Variants in ARFGEF2 observed in about 807,000 individuals in gnomAD.
The protein encoded by ARFGEF2 is brefeldin A-inhibited guanine nucleotide-exchange protein 2.
In ARFGEF2, 74 loss-of-function variants were observed where a neutral mutation model predicts 219.9. The ratio of observed to expected loss-of-function variants is 0.34; its 90% CI spans 0.28 to 0.41. The LOEUF is 0.41. Among genes scored for constraint, ARFGEF2 ranks in the 10% least tolerant of loss-of-function variants. The pLI, the probability that ARFGEF2 is intolerant of heterozygous loss-of-function variation, is 1.00. For missense variants in ARFGEF2, 1,743 were observed against 2,218.3 expected (o/e 0.79, Z 4.30); for synonymous variants, 733 against 799.2 (o/e 0.92, Z 1.40).
chr20:49,034,240 T>C lies in ARFGEF2; in HGVS notation c.*1041T>C, dbSNP rs1032012301. The C allele has an allele frequency of 3.3e-5, 5 of 152,280 alleles. No homozygotes were observed. The highest frequency in any genetic ancestry group is 1.2e-4 in the African/African-American group (5 of 41,454). 9.4% of individuals were successfully genotyped at this position (152,280 alleles called of 1,614,324 possible). Reference sequence around the variant, plus strand: ...GCTCCCATAAGCCTCCTCAGCCAGATGTCATGGGTGGAACTGGAGCTGTGT... The same window carrying C: ...GCTCCCATAAGCCTCCTCAGCCAGACGTCATGGGTGGAACTGGAGCTGTGT... On this transcript the variant is annotated 3_prime_UTR_variant, in exon 39 of 39. Coordinates refer to ENST00000371917, the MANE Select transcript of ARFGEF2 (RefSeq NM_006420.3).
intron 1 of ARFGEF2, among the ~76,000 whole-genome samples, chr20:48,933,991 G>A (rs1466394983): frequency 6.6e-6 from 1 of 151,944 alleles, no homozygotes; most frequent in Non-Finnish European, 1.5e-5. Context: ...ATGGTGGCAC[G>A]TGCCTGTAGT....
At chr20:48,927,010 C>T (rs932613432) in intron 1 of ARFGEF2, among the ~76,000 whole-genome samples, 1 of 152,086 alleles carries the variant, frequency 6.6e-6, no homozygotes, top group African/African-American at 2.4e-5. Flanking sequence ...GAGGTGAAAG[C>T]CAGACTGGCA....
At chr20:49,010,493 T>C in intron 27 of ARFGEF2, 89 bp downstream of exon 27, 1 of 1,482,218 alleles carries the variant, frequency 6.7e-7, no homozygotes, top group Non-Finnish European at 9.3e-7. Flanking sequence ...CTACAGGGGC[T>C]TCCCTACCTT....
At position 48,966,420 on chromosome 20, in the gene ARFGEF2, A is replaced by C. The variant is rs1050623673; in HGVS notation, c.1059+397A>C. ...GATTGCCCTTGTTAACATCTTACTT[A>C]AATCCATCTAGATTTTTCTCCATCT... On this transcript the variant is annotated intron_variant, in intron 8 of 38. Transcript: ENST00000371917. 3.9e-5 allele frequency among the ~76,000 whole-genome samples: 6 copies of C among 152,282 alleles called. No homozygotes were observed. In the East Asian group the frequency reaches 7.7e-4, roughly 20 times the overall value.
chr20:48,981,538 G>T (rs909306841), intron 14 of ARFGEF2, among the ~76,000 whole-genome samples: 1 of 152,168 alleles, frequency 6.6e-6, no homozygotes, highest in African/African-American at 2.4e-5. Flanking sequence ...GCCTTGCTAG[G>T]TTGGGGAAGT....
chr20:48,998,987 C>T (rs2091408354), intron 25 of ARFGEF2, among the ~76,000 whole-genome samples: 1 of 152,164 alleles, frequency 6.6e-6, no homozygotes, highest in Admixed American at 6.6e-5. Context: ...CCTGTAATCC[C>T]AGCACTTCGA....
At chr20:48,963,731 C>A in intron 6 of ARFGEF2, 99 bp from the exon 7 acceptor site, 1 of 1,190,168 alleles carries the variant, frequency 8.4e-7, no homozygotes, top group Non-Finnish European at 1.2e-6. Flanking sequence ...GCACCCTTTG[C>A]CTTCTGAAAT....
At chr20:48,969,034 T>C (rs2091208884) in intron 8 of ARFGEF2, 113 bp from the exon 9 acceptor site, 5 of 998,190 alleles carry the variant, frequency 5.0e-6, no homozygotes, top group Non-Finnish European at 7.8e-6. Context: ...CATCATGGCT[T>C]ACTGCAGCCT....
At chr20:48,934,335 TA>T (rs973928821) in intron 1 of ARFGEF2, among the ~76,000 whole-genome samples, 26 of 150,132 alleles carry the variant, frequency 1.7e-4, no homozygotes, top group African/African-American at 2.2e-4. Flanking sequence ...TCCCTCCGTT[TA>T]AAAAAAAAAT....
At chr20:48,996,266 T>G (rs539830606) in intron 23 of ARFGEF2, among the ~76,000 whole-genome samples, 1 of 149,610 alleles carries the variant, frequency 6.7e-6, no homozygotes, top group African/African-American at 2.5e-5. Flanking sequence ...CCATTTTGGC[T>G]AACACAGTGA....
intron 14 of ARFGEF2, among the ~76,000 whole-genome samples, chr20:48,976,811 A>G (rs148750075): frequency 3.3e-5 from 5 of 152,274 alleles, no homozygotes; most frequent in Admixed American, 6.5e-5. Flanking sequence ...CCATCTCAAC[A>G]ACAACAAAAA....
Position 48,941,893 on chromosome 20 carries a change from A to G in ARFGEF2, c.182A>G (p.Asn61Ser). 2 of 1,614,204 alleles carry G rather than the reference A, an allele frequency of 1.2e-6. No homozygotes were observed. Among genetic ancestry groups the G allele is most frequent in the Non-Finnish European group, 1.7e-6 (2 of 1,180,030 alleles). Residue 61 changes from asparagine to serine, a missense_variant, in exon 3 of 39, where the codon AAC becomes AGC. By Grantham distance (46) the Asn-to-Ser change is conservative. Transcript: ENST00000371917. ...RLGTAAPPKA[N>S]FIEADKYFLP... ...GGCACTGCTGCACCACCAAAGGCAAACTTCATTGAAGCTGACAAGTATTTT... is the reference window on the plus strand; with the variant it reads ...GGCACTGCTGCACCACCAAAGGCAAGCTTCATTGAAGCTGACAAGTATTTT...
chr20:48,991,464 A>ATTT (rs71337479), intron 21 of ARFGEF2, among the ~76,000 whole-genome samples: 1 of 134,914 alleles, frequency 7.4e-6, no homozygotes. Context: ...TATTAGTGCC[A>ATTT]TTTTTTTTTT....
intron 30 of ARFGEF2, among the ~76,000 whole-genome samples, chr20:49,014,571 T>C (rs2091519253): frequency 6.6e-6 from 1 of 152,184 alleles, no homozygotes; most frequent in Non-Finnish European, 1.5e-5. Flanking sequence ...TTCTTCCTTT[T>C]ACCATCCAAA....
chr20:48,984,531 A>G (rs1268362593), intron 14 of ARFGEF2, among the ~76,000 whole-genome samples, 198 bp from the exon 15 acceptor site: 1 of 152,238 alleles, frequency 6.6e-6, no homozygotes, highest in East Asian at 1.9e-4. Context: ...GGTGACAATC[A>G]GCAGACTCTG....
intron 6 of ARFGEF2, among the ~76,000 whole-genome samples, chr20:48,959,440 C>CCTCT (rs2091127013): frequency 8.2e-6 from 1 of 122,034 alleles, no homozygotes; most frequent in Admixed American, 8.4e-5. Flanking sequence ...TCCTTCCCTC[C>CCTCT]GTCCCTCCTT....
At chr20:48,924,864 T>G (rs760695505) in intron 1 of ARFGEF2, among the ~76,000 whole-genome samples, 1 of 152,220 alleles carries the variant, frequency 6.6e-6, no homozygotes, top group Non-Finnish European at 1.5e-5. Context: ...TATAGGATTA[T>G]TGTAAAGATT....
At chr20:48,995,490 T>C (rs917875919) in intron 22 of ARFGEF2, among the ~76,000 whole-genome samples, 4 of 152,200 alleles carry the variant, frequency 2.6e-5, no homozygotes, top group African/African-American at 9.6e-5. Context: ...TATCAATTGA[T>C]TCAAATTTGT....
intron 28 of ARFGEF2, 151 bp downstream of exon 28, chr20:49,012,235 C>T (rs1250922179): frequency 1.0e-6 from 1 of 1,001,756 alleles, no homozygotes; most frequent in Non-Finnish European, 1.5e-6. Context: ...GCTGCCATGA[C>T]AGGGAGTTAG....
Sources: gnomAD v4.1 joint callset for allele counts (sites outside exome capture counted in the v4.1 genomes callset) on GRCh38, gnomAD v4.1.1 for gene constraint, MANE v1.5 for transcripts, NCBI Gene and HGNC (gene_info 2026-07-23, HGNC 2026-07-21) for gene names.